Variants in FAP observed in about 807,000 individuals in gnomAD.
FAP encodes the protein fibroblast activation protein alpha.
A neutral mutation model predicts 126.5 loss-of-function variants in FAP; 110 were observed. The ratio of observed to expected loss-of-function variants is 0.87; its 90% CI spans 0.74 to 1.02. FAP has a LOEUF of 1.02. FAP is among the 50% of genes least tolerant of loss of function. FAP has a pLI of 0.00. For missense variants in FAP, 919 were observed against 909.2 expected (o/e 1.01, Z -0.14); for synonymous variants, 334 against 297.3 (o/e 1.12, Z -1.27).
intron 15 of FAP, among the ~76,000 whole-genome samples, chr2:162,199,111 T>C (rs1688388495): frequency 6.6e-6 from 1 of 152,182 alleles, no homozygotes; most frequent in Non-Finnish European, 1.5e-5. Context: ...CCTATGTGGT[T>C]TCCCTGGAGT....
chr2:162,239,165 G>A (rs1690252724), intron 2 of FAP, among the ~76,000 whole-genome samples: 1 of 151,948 alleles, frequency 6.6e-6, no homozygotes, highest in South Asian at 2.1e-4. Context: ...CTAAATAGCT[G>A]GGACGAAAGG....
At chr2:162,215,524 A>C (rs1026569179) in intron 10 of FAP, among the ~76,000 whole-genome samples, 1 of 152,174 alleles carries the variant, frequency 6.6e-6, no homozygotes, top group Non-Finnish European at 1.5e-5. Context: ...GGGTCAGCTT[A>C]TCTTCTCTTA....
intron 12 of FAP, among the ~76,000 whole-genome samples, chr2:162,207,401 T>C (rs1452949160): frequency 6.6e-6 from 1 of 152,208 alleles, no homozygotes; most frequent in Non-Finnish European, 1.5e-5. Context: ...TTGAGATTAG[T>C]ACATAAAAAT....
intron 2 of FAP, among the ~76,000 whole-genome samples, chr2:162,233,703 C>T (rs182988121): frequency 6.6e-6 from 1 of 151,942 alleles, no homozygotes; most frequent in East Asian, 1.9e-4. Context: ...TCTTGGCCAC[C>T]CTAAAATGTT....
intron 16 of FAP, chr2:162,197,691 G>A (rs1688307084): frequency 4.4e-6 from 2 of 456,062 alleles, no homozygotes; most frequent in South Asian, 3.1e-5. Context: ...TGGCATGTTA[G>A]GGTAGCCTTC....
chr2:162,237,424 G>A (rs1690184385), intron 2 of FAP, among the ~76,000 whole-genome samples: 1 of 151,640 alleles, frequency 6.6e-6, no homozygotes, highest in African/African-American at 2.4e-5. Context: ...CTTTATCCAT[G>A]TGTTCTCATT....
chr2:162,191,922 T>C (rs1023602767), intron 17 of FAP, among the ~76,000 whole-genome samples: 1 of 152,106 alleles, frequency 6.6e-6, no homozygotes, highest in Non-Finnish European at 1.5e-5. Flanking sequence ...TTCATGCAAT[T>C]CTACCAACAA....
chr2:162,236,811 T>A (rs1223498538), intron 2 of FAP, among the ~76,000 whole-genome samples: 1 of 152,052 alleles, frequency 6.6e-6, no homozygotes, highest in African/African-American at 2.4e-5. Flanking sequence ...CCATGTTGGC[T>A]AGGCTGGTCT....
intron 16 of FAP, 183 bp downstream of exon 16, chr2:162,198,574 C>CA: frequency 5.7e-6 from 5 of 874,278 alleles, no homozygotes; most frequent in Non-Finnish European, 6.7e-6. Context: ...TCCTCAGTTG[C>CA]AAAAAAGTAA....
intron 8 of FAP, 146 bp downstream of exon 8, chr2:162,218,917 T>G: frequency 1.9e-6 from 1 of 521,724 alleles, no homozygotes; most frequent in Non-Finnish European, 3.2e-6. Flanking sequence ...AAAATACGTA[T>G]GCCCTATTCG....
At chr2:162,242,439 T>C (rs1475740916) in intron 2 of FAP, among the ~76,000 whole-genome samples, 1 of 152,204 alleles carries the variant, frequency 6.6e-6, no homozygotes, top group African/African-American at 2.4e-5. Flanking sequence ...ATACAGCTAT[T>C]CCTGAGATCT....
At position 162,239,860 on chromosome 2, in the gene FAP, T is replaced by G. The variant is rs1224381495; in HGVS notation, c.91+3048A>C. Reference sequence around the variant, plus strand: ...GAATGGTCCAGGTATTCAGAAAATATAAATCATGAATCAAGTTTGTGTAGA... The same window carrying G: ...GAATGGTCCAGGTATTCAGAAAATAGAAATCATGAATCAAGTTTGTGTAGA... On this transcript the variant is annotated intron_variant, in intron 2 of 25. Transcript: ENST00000188790. 4.6e-5 allele frequency among the ~76,000 whole-genome samples: 7 copies of G among 152,334 alleles called. No homozygotes were observed. The East Asian group carries it at 7.7e-4, about 17-fold the overall frequency.
At chr2:162,236,823 G>C (rs1211232283) in intron 2 of FAP, among the ~76,000 whole-genome samples, 1 of 152,046 alleles carries the variant, frequency 6.6e-6, no homozygotes. Flanking sequence ...GGCTGGTCTT[G>C]AACTCCTGGC....
intron 5 of FAP, 51 bp downstream of exon 5, chr2:162,224,415 G>T (rs777373868): frequency 1.8e-6 from 2 of 1,109,506 alleles, no homozygotes; most frequent in Admixed American, 4.5e-5. Context: ...AAACCACCTT[G>T]TGGATTAGTA....
intron 10 of FAP, 145 bp downstream of exon 10, chr2:162,215,753 G>C (rs1183262335): frequency 3.4e-6 from 2 of 592,244 alleles, no homozygotes; most frequent in Non-Finnish European, 5.8e-6. Flanking sequence ...ACCAATTAAG[G>C]AAACTTATTT....
chr2:162,173,265 TAATAGAA>T (rs1426492490), intron 23 of FAP, 44 bp from the exon 24 acceptor site: 1 of 1,440,630 alleles, frequency 6.9e-7, no homozygotes, highest in African/African-American at 1.4e-5. Flanking sequence ...CTGCAAGTTC[TAATAGAA>T]AACTAGCTAA....
chr2:162,188,035 A>T (rs952206652), intron 20 of FAP, 134 bp downstream of exon 20: 38 of 685,494 alleles, frequency 5.5e-5, no homozygotes, highest in Non-Finnish European at 8.5e-5. Context: ...TACCTCTTTA[A>T]GATTAGTGAT....
Position 162,243,010 on chromosome 2 carries a change from A to G in FAP, c.7-18T>C. ...ACCCAAGTCTACATAAAATAAAGAG[A>G]ATTAGGCATACACACAGTTCCTGCT... is the stretch of plus-strand genomic sequence containing the variant. On this transcript the variant is annotated intron_variant, in intron 1 of 25. Transcript: ENST00000188790. 1 of 1,589,438 alleles carries G rather than the reference A, an allele frequency of 6.3e-7. No homozygotes were observed. Among genetic ancestry groups the G allele is most frequent in the Non-Finnish European group, 8.6e-7 (1 of 1,160,238 alleles).
chr2:162,190,223 A>G (rs764461575), intron 17 of FAP, among the ~76,000 whole-genome samples: 10 of 152,032 alleles, frequency 6.6e-5, no homozygotes, highest in Non-Finnish European at 1.3e-4. Context: ...GTAAAGTTGA[A>G]TATTATTTCT....
Sources: allele counts gnomAD v4.1 joint callset (sites outside exome capture counted in the v4.1 genomes callset), GRCh38; gene constraint gnomAD v4.1.1; transcripts MANE v1.5; gene names NCBI Gene and HGNC (gene_info 2026-07-23, HGNC 2026-07-21).